Variants in APP observed in about 807,000 individuals in gnomAD.
APP encodes the protein amyloid-beta precursor protein.
A neutral mutation model predicts 101.4 loss-of-function variants in APP; 31 were observed. That is an observed-to-expected ratio of 0.31 (90% CI 0.23 to 0.41). The LOEUF is 0.41. APP is among the 10% of genes least tolerant of loss of function. The pLI, the probability that APP is intolerant of heterozygous loss-of-function variation, is 1.00. For synonymous variants in APP, 366 were observed against 364.4 expected (o/e 1.00, Z -0.05); for missense variants, 839 against 1,003.7 (o/e 0.84, Z 2.22).
At chr21:26,029,151 G>C (rs1395513126) in intron 5 of APP, among the ~76,000 whole-genome samples, 2 of 152,114 alleles carry the variant, frequency 1.3e-5, no homozygotes, top group East Asian at 3.9e-4. Context: ...ATAAGATCTG[G>C]TGGTGGAGAC....
chr21:26,069,111 A>C (rs2046574173), intron 3 of APP, among the ~76,000 whole-genome samples: 2 of 152,186 alleles, frequency 1.3e-5, no homozygotes, highest in Admixed American at 1.3e-4. Context: ...AACACATTCT[A>C]TTTGGTTGTA....
At chr21:26,025,537 T>C (rs1321671730) in intron 5 of APP, among the ~76,000 whole-genome samples, 1 of 152,220 alleles carries the variant, frequency 6.6e-6, no homozygotes, top group East Asian at 1.9e-4. Context: ...ACCCTGGGTA[T>C]CCCCAGGTTC....
At position 25,905,030 on chromosome 21, in the gene APP, G is replaced by C. The variant is rs370979414; in HGVS notation, c.1957C>G (p.Arg653Gly). 1 of 1,613,806 alleles carries C rather than the reference G, an allele frequency of 6.2e-7. No individual in the cohort carries two copies. Among genetic ancestry groups the C allele is most frequent in the Admixed American group, 1.7e-5 (1 of 60,016 alleles). Residue 653 changes from arginine (R) to glycine (G), a missense_variant, in exon 15 of 18, where the codon CGA becomes GGA. By Grantham distance (125) the Arg-to-Gly change is moderately radical (BLOSUM62 -2). Transcript: ENST00000346798. ...AGTCAAGCGGTTCTGATACCTGGTC[G>C]AGTGGTCAGTCCTCGGTCGGCAGCA... ...RPAADRGLTT[R>G]PGSGLTNIKT... is the part of the protein sequence containing the mutation.
chr21:26,096,681 G>A lies in APP; in HGVS notation c.226-6609C>T, dbSNP rs545656969. On this transcript the variant is annotated intron_variant, in intron 2 of 17. Transcript: ENST00000346798. ...AGTCCCAGCTACTCGGGAGGCTGAG[G>A]TGGGAGGACAGCTTAAGCGAGGAGG... Among the ~76,000 whole-genome samples, 79 of 152,308 alleles carry A rather than the reference G, an allele frequency of 5.2e-4. 1 individual carries two copies. Among genetic ancestry groups the A allele is most frequent in the African/African-American group, 1.9e-3 (78 of 41,554 alleles).
At chr21:26,059,251 A>G (rs1281602274) in intron 3 of APP, among the ~76,000 whole-genome samples, 1 of 152,178 alleles carries the variant, frequency 6.6e-6, no homozygotes, top group Non-Finnish European at 1.5e-5. Flanking sequence ...ATTTCTATGA[A>G]CTGCTGGGGA....
chr21:25,891,717 C>T lies in APP; in HGVS notation c.2211+5G>A. 1 of 1,614,012 alleles carries T rather than the reference C, an allele frequency of 6.2e-7. No individual in the cohort carries two copies. The highest frequency in any genetic ancestry group is 8.5e-7 in the Non-Finnish European group (1 of 1,179,914). ...ACTTGGAAACATGCAGTCAAGTTTA[C>T]CTACCTCCACCACACCATGATGAAT... is the stretch of plus-strand genomic sequence containing the variant. On this transcript the variant is annotated splice_donor_5th_base_variant and intron_variant, in intron 17 of 17. Transcript: ENST00000346798.
intron 1 of APP, among the ~76,000 whole-genome samples, chr21:26,132,266 C>A (rs996500302): frequency 2.6e-5 from 4 of 152,038 alleles, no homozygotes; most frequent in African/African-American, 9.7e-5. Context: ...GTGTTTGGGA[C>A]TCACTAAAAA....
At chr21:26,068,747 C>T (rs575548572) in intron 3 of APP, among the ~76,000 whole-genome samples, 1 of 151,320 alleles carries the variant, frequency 6.6e-6, no homozygotes, top group South Asian at 2.1e-4. Flanking sequence ...CTCTCATTGG[C>T]TCCTCTTTTC....
intron 11 of APP, among the ~76,000 whole-genome samples, chr21:25,965,307 C>T (rs143053834): frequency 4.6e-5 from 7 of 152,294 alleles, no homozygotes; most frequent in African/African-American, 7.2e-5. Flanking sequence ...ATTTGTCAAA[C>T]GGTCTGATCA....
chr21:26,046,658 ATTG>A (rs1015440576), intron 5 of APP, among the ~76,000 whole-genome samples: 2 of 152,204 alleles, frequency 1.3e-5, no homozygotes, highest in African/African-American at 2.4e-5. Context: ...ATAATTAAAG[ATTG>A]TTTCTTAAAA....
At chr21:26,046,396 G>T (rs762909108) in intron 5 of APP, among the ~76,000 whole-genome samples, 1 of 142,688 alleles carries the variant, frequency 7.0e-6, no homozygotes, top group Non-Finnish European at 1.5e-5. Flanking sequence ...GGCAACAAGA[G>T]CAAAAACTTC....
At chr21:26,142,777 A>G (rs1788283) in intron 1 of APP, among the ~76,000 whole-genome samples, 1 of 150,848 alleles carries the variant, frequency 6.6e-6, no homozygotes, top group Non-Finnish European at 1.5e-5. Context: ...TCAAAAAAAA[A>G]GTAAAGAAAA....
chr21:26,088,472 A>AT (rs2061748608), intron 3 of APP, among the ~76,000 whole-genome samples: 1 of 152,234 alleles, frequency 6.6e-6, no homozygotes, highest in South Asian at 2.1e-4. Context: ...TATTTGGAAT[A>AT]CTTCATAGAA....
chr21:25,968,333 T>TC (rs1232555978), intron 11 of APP, among the ~76,000 whole-genome samples: 1 of 149,374 alleles, frequency 6.7e-6, no homozygotes, highest in Non-Finnish European at 1.5e-5. Context: ...TTTTTTTTTT[T>TC]TTTTTTTTGT....
In APP at chr21:26,003,578, T is replaced by C. The variant is rs9984159; in HGVS notation, c.866-3396A>G. On this transcript the variant is annotated intron_variant, in intron 6 of 17. Coordinates refer to ENST00000346798, the MANE Select transcript of APP (RefSeq NM_000484.4). ...TGTTAATTTAATGTCAAATACATAA[T>C]GTATGGAGAAGATGTACGTGAGGCT... 9.3e-3 allele frequency among the ~76,000 whole-genome samples: 1,414 copies of C among 152,330 alleles called. 20 individuals carry two copies. The highest frequency in any genetic ancestry group is 0.032 in the African/African-American group (1,336 of 41,562).
intron 3 of APP, among the ~76,000 whole-genome samples, chr21:26,079,334 C>T (rs2061553387): frequency 6.6e-6 from 1 of 152,120 alleles, no homozygotes; most frequent in South Asian, 2.1e-4. Context: ...ATAAACACAG[C>T]TTGAGGTTAG....
chr21:25,938,862 A>G (rs1007513870), intron 13 of APP, among the ~76,000 whole-genome samples: 1 of 152,324 alleles, frequency 6.6e-6, no homozygotes, highest in South Asian at 2.1e-4. Flanking sequence ...GAGAGACGCT[A>G]GCTTCCCCTG....
At chr21:25,926,441 A>G (rs902888348) in intron 13 of APP, among the ~76,000 whole-genome samples, 2 of 152,216 alleles carry the variant, frequency 1.3e-5, no homozygotes, top group Admixed American at 1.3e-4. Context: ...TGCCAAAGCC[A>G]TACTGTGATG....
intron 13 of APP, among the ~76,000 whole-genome samples, chr21:25,930,897 C>A (rs1270151844): frequency 6.6e-6 from 1 of 152,202 alleles, no homozygotes; most frequent in Non-Finnish European, 1.5e-5. Flanking sequence ...AAGCACTTCA[C>A]ATGGGGGGCT....
Sources: allele counts gnomAD v4.1 joint callset (sites outside exome capture counted in the v4.1 genomes callset), GRCh38; gene constraint gnomAD v4.1.1; transcripts MANE v1.5; gene names NCBI Gene and HGNC (gene_info 2026-07-23, HGNC 2026-07-21).